The following TMCO1 variants were observed in gnomAD, a reference collection of about 807,000 sequenced individuals.
TMCO1 encodes the protein transmembrane and coiled-coil domains 1.
TMCO1 carries 29 observed loss-of-function variants against 29.3 expected under a neutral mutation model. That is an observed-to-expected ratio of 0.99 (90% CI 0.74 to 1.35). TMCO1 has a LOEUF of 1.35. TMCO1 is among the 40% of genes most tolerant of loss of function. The pLI is 0.00. For synonymous variants in TMCO1, 80 were observed against 77.1 expected, an observed-to-expected ratio of 1.04 and a Z score of -0.20; for missense variants, 173 against 225.5, an observed-to-expected ratio of 0.77 and a Z score of 1.49.
At chr1:165,733,667 G>A (rs1209063896) in intron 6 of TMCO1, among the ~76,000 whole-genome samples, 2 of 152,122 alleles carry the variant, frequency 1.3e-5, no homozygotes, top group Non-Finnish European at 2.9e-5. Context: ...TAATAAAGAT[G>A]CTATGAAAGA....
chr1:165,749,458 T>C (rs1390178737), intron 5 of TMCO1, among the ~76,000 whole-genome samples: 3 of 152,170 alleles, frequency 2.0e-5, no homozygotes, highest in African/African-American at 4.8e-5. Context: ...CTTAGTAAAG[T>C]TGGAAACCAA....
intron 3 of TMCO1, among the ~76,000 whole-genome samples, chr1:165,757,630 T>C (rs575013138): frequency 3.3e-5 from 5 of 152,284 alleles, no homozygotes; most frequent in South Asian, 4.1e-4. Context: ...CCCAAGTAGC[T>C]GGGATTATAG....
intron 2 of TMCO1, 93 bp downstream of exon 2, chr1:165,768,099 T>C: frequency 9.2e-7 from 1 of 1,092,512 alleles, no homozygotes; most frequent in Non-Finnish European, 1.4e-6. Flanking sequence ...GGTTCATCTT[T>C]GTATCAGCTG....
downstream of TMCO1, chr1:165,724,422 T>C: frequency 2.2e-6 from 1 of 454,010 alleles, no homozygotes; most frequent in South Asian, 1.6e-5. Flanking sequence ...CTCTACAAGG[T>C]AAACAACACA....
chr1:165,742,261 T>C (rs73022514), intron 6 of TMCO1, among the ~76,000 whole-genome samples: 2,001 of 146,914 alleles, frequency 0.014, 52 homozygotes, highest in African/African-American at 0.049. Context: ...AATTATCGGC[T>C]CCCCCCCTTT....
Position 165,768,696 on chromosome 1 carries a change from G to C in TMCO1, c.56C>G (p.Ala19Gly). 1.9e-6 allele frequency: 3 copies of C among 1,614,160 alleles called. No individual in the cohort carries two copies. Among genetic ancestry groups the C allele is most frequent in the Non-Finnish European group, 2.5e-6 (3 of 1,180,030 alleles). The change falls in exon 1 of 7, where the codon GCT (alanine) becomes GGT (glycine). Residue 19 changes from alanine (A) to glycine (G), a missense_variant. Physicochemically the swap from Ala to Gly is moderately conservative, Grantham distance 60. Coordinates refer to ENST00000367881, the MANE Select transcript of TMCO1 (RefSeq NM_019026.6). ...LLIVFISVCT[A>G]LLAEGITWVL... is the part of the protein sequence containing the mutation. ...CCCGCTCTCACCCTCTGCGAGCAGA[G>C]CCGTGCACACAGAGATAAAAACGAT... is the stretch of plus-strand genomic sequence containing the variant.
Position 165,728,019 on chromosome 1 carries a change from G to C in TMCO1, c.*4C>G. The C allele has an allele frequency of 6.3e-7, 1 of 1,600,000 alleles. No homozygotes were observed. The highest frequency in any genetic ancestry group is 8.5e-7 in the Non-Finnish European group (1 of 1,170,096). ...GAATGATAGAAAATAAAGAGTTCTT[G>C]AGTTCAAGAGAACTTCCCAGAAGGA... On this transcript the variant is annotated 3_prime_UTR_variant, in exon 7 of 7. Coordinates refer to ENST00000367881, the MANE Select transcript of TMCO1 (RefSeq NM_019026.6).
intron 5 of TMCO1, among the ~76,000 whole-genome samples, chr1:165,749,855 A>G (rs532392996): frequency 6.6e-6 from 1 of 152,086 alleles, no homozygotes; most frequent in African/African-American, 2.4e-5. Context: ...ATAAACGTCA[A>G]AAAAAAGAAG....
chr1:165,740,923 CTT>C (rs1477598005), intron 6 of TMCO1, among the ~76,000 whole-genome samples: 1 of 152,194 alleles, frequency 6.6e-6, no homozygotes, highest in Non-Finnish European at 1.5e-5. Flanking sequence ...GCTAAATTGT[CTT>C]TATAAATTAG....
At chr1:165,748,390 A>G (rs943793051) in intron 5 of TMCO1, among the ~76,000 whole-genome samples, 1 of 152,152 alleles carries the variant, frequency 6.6e-6, no homozygotes, top group African/African-American at 2.4e-5. Context: ...GGAAATAATC[A>G]TTGAAACTAG....
chr1:165,759,651 T>A, intron 2 of TMCO1, 67 bp from the exon 3 acceptor site: 2 of 1,353,300 alleles, frequency 1.5e-6, no homozygotes, highest in Non-Finnish European at 2.1e-6. Flanking sequence ...GGATGCTTTA[T>A]CACAGCTGAA....
Position 165,727,075 on chromosome 1 carries a change from G to A in TMCO1, c.*948C>T, listed in dbSNP as rs530893448. The A allele has an allele frequency of 7.1e-5, 32 of 453,836 alleles. 1 individual carries two copies. The highest frequency in any genetic ancestry group is 1.0e-4 in the Non-Finnish European group (23 of 226,786). 28.1% of individuals were successfully genotyped at this position (453,836 alleles called of 1,614,324 possible). On this transcript the variant is annotated 3_prime_UTR_variant, in exon 7 of 7. Coordinates refer to ENST00000367881, the MANE Select transcript of TMCO1 (RefSeq NM_019026.6). ...GGACTCCTAATTCCATAGATTATGC[G>A]GGGAGGATCATGGTACAAACATCCT...
Position 165,747,222 on chromosome 1 carries a change from C to T in TMCO1, c.324-3911G>A, listed in dbSNP as rs571942985. On this transcript the variant is annotated intron_variant, in intron 5 of 6. Transcript: ENST00000367881. ...GCTGCAATGAGCCAAGATCGTGCCA[C>T]TGCACTCTAGCCTGGGCAACAGAGA... Among the ~76,000 whole-genome samples, 157 of 143,402 alleles carry T rather than the reference C, an allele frequency of 1.1e-3. 1 individual carries two copies. The highest frequency in any genetic ancestry group is 1.0e-2 in the Admixed American group (135 of 13,518). 94.1% of individuals were successfully genotyped at this position (143,402 alleles called of 152,430 possible).
intron 3 of TMCO1, among the ~76,000 whole-genome samples, chr1:165,755,470 C>T (rs73014628): frequency 0.013 from 2,015 of 152,066 alleles, 53 homozygotes; most frequent in African/African-American, 0.047. Context: ...TGCTTGAGTC[C>T]AGGAGTTCAA....
At chr1:165,726,664 ATT>A (rs753273422), downstream of TMCO1, 1 of 454,338 alleles carries the variant, frequency 2.2e-6, no homozygotes. Flanking sequence ...AAACACTCAA[ATT>A]TATCCATATA....
chr1:165,762,008 T>TAAAAGACAA lies in TMCO1; in HGVS notation c.149-2425_149-2424insTTGTCTTTT, dbSNP rs1198862890. Among the ~76,000 whole-genome samples, 62 of 23,030 alleles carry TAAAAGACAA rather than the reference T, an allele frequency of 2.7e-3. 5 individuals carry two copies. The highest frequency in any genetic ancestry group is 0.028 in the East Asian group (2 of 72). 15.1% of individuals were successfully genotyped at this position (23,030 alleles called of 152,430 possible). Reference sequence around the variant, plus strand: ...TTAAAATGTTATAAGGATAACATTTTTATTAAAATGTTATAAGGATAACAT... The same window carrying TAAAAGACAA: ...TTAAAATGTTATAAGGATAACATTTTAAAAGACAATATTAAAATGTTATAAGGATAACAT... On this transcript the variant is annotated intron_variant, in intron 2 of 6. Transcript: ENST00000367881.
intron 6 of TMCO1, among the ~76,000 whole-genome samples, chr1:165,739,199 A>C (rs771419955): frequency 4.6e-5 from 7 of 152,160 alleles, no homozygotes; most frequent in Non-Finnish European, 1.0e-4. Flanking sequence ...ATTTTAACTT[A>C]ATAGCATATA....
At chr1:165,766,351 A>G (rs988561594) in intron 2 of TMCO1, among the ~76,000 whole-genome samples, 7 of 152,256 alleles carry the variant, frequency 4.6e-5, no homozygotes, top group African/African-American at 1.7e-4. Flanking sequence ...AGAGGGCCAC[A>G]GACATAAATT....
intron 5 of TMCO1, 53 bp from the exon 6 acceptor site, chr1:165,743,364 T>C (rs1651674097): frequency 6.3e-7 from 1 of 1,577,314 alleles, no homozygotes; most frequent in Admixed American, 1.7e-5. Context: ...CTGACAACTT[T>C]CTTACTTCCA....
Sources: gnomAD v4.1 joint callset for allele counts (sites outside exome capture counted in the v4.1 genomes callset) on GRCh38, gnomAD v4.1.1 for gene constraint, MANE v1.5 for transcripts, NCBI Gene and HGNC (gene_info 2026-07-23, HGNC 2026-07-21) for gene names.